N4BP1: variants seen among roughly 807,000 people sequenced by gnomAD.
N4BP1 encodes NEDD4-binding protein 1.
In N4BP1, 21 loss-of-function variants were observed where a neutral mutation model predicts 70.9. That is an observed-to-expected ratio of 0.30 (90% confidence interval 0.21 to 0.43). The LOEUF is 0.43. Among genes scored for constraint, N4BP1 ranks in the 20% least tolerant of loss-of-function variants. The pLI is 1.00. For synonymous variants in N4BP1, 387 were observed against 394.6 expected (o/e 0.98, Z 0.23); for missense variants, 936 against 1,069.4 (o/e 0.88, Z 1.74).
At chr16:48,570,487 C>T (rs1483278515) in intron 1 of N4BP1, among the ~76,000 whole-genome samples, 3 of 152,140 alleles carry the variant, frequency 2.0e-5, no homozygotes, top group African/African-American at 7.2e-5. Context: ...GCTGGGACTA[C>T]AGGCACGTGC....
intron 1 of N4BP1, among the ~76,000 whole-genome samples, chr16:48,604,212 C>A (rs1473848443): frequency 1.3e-5 from 2 of 152,222 alleles, no homozygotes; most frequent in Non-Finnish European, 2.9e-5. Context: ...AGCACTGAGA[C>A]TGTACTGTAC....
intron 3 of N4BP1, among the ~76,000 whole-genome samples, chr16:48,553,002 C>CA (rs1963698255): frequency 6.6e-6 from 1 of 152,142 alleles, no homozygotes; most frequent in African/African-American, 2.4e-5. Context: ...TTGCCTGGCA[C>CA]AGCCCCTTCA....
intron 1 of N4BP1, among the ~76,000 whole-genome samples, chr16:48,566,235 A>G (rs1417716424): frequency 1.3e-5 from 2 of 152,030 alleles, no homozygotes; most frequent in Non-Finnish European, 2.9e-5. Context: ...TATAGAGGCA[A>G]GATCTTGCTA....
chr16:48,566,541 ATT>A (rs1963946355), intron 1 of N4BP1, among the ~76,000 whole-genome samples: 1 of 152,036 alleles, frequency 6.6e-6, no homozygotes, highest in Non-Finnish European at 1.5e-5. Context: ...TCTGTTGGTG[ATT>A]TTTAGTTGGA....
chr16:48,540,883 C>T lies in N4BP1; in HGVS notation c.*2021G>A, dbSNP rs775037861. On this transcript the variant is annotated 3_prime_UTR_variant, in exon 7 of 7. Transcript: ENST00000262384. Reference sequence around the variant, plus strand: ...ATTAAATATTAAATATCAGGGGTTTCGGAAGGAATGATGAATTCCGTCTCA... The same window carrying T: ...ATTAAATATTAAATATCAGGGGTTTTGGAAGGAATGATGAATTCCGTCTCA... 6.6e-6 allele frequency: 1 copy of T among 152,126 alleles called. No homozygotes were observed. The highest frequency in any genetic ancestry group is 2.4e-5 in the African/African-American group (1 of 41,404). 9.4% of individuals were successfully genotyped at this position (152,126 alleles called of 1,614,324 possible).
intron 1 of N4BP1, among the ~76,000 whole-genome samples, chr16:48,597,745 G>A (rs1964437687): frequency 6.6e-6 from 1 of 152,050 alleles, no homozygotes; most frequent in Non-Finnish European, 1.5e-5. Flanking sequence ...TCAGATTTGA[G>A]GTTTCCTCAT....
intron 1 of N4BP1, among the ~76,000 whole-genome samples, chr16:48,608,144 C>T (rs1964612446): frequency 6.6e-6 from 1 of 152,190 alleles, no homozygotes; most frequent in South Asian, 2.1e-4. Context: ...TTCTGACATT[C>T]TCCGAGCGTT....
In N4BP1 at chr16:48,543,018, T is replaced by G; in HGVS notation, c.2577A>C (p.Glu859Asp). 2 of 1,614,060 alleles carry G rather than the reference T, an allele frequency of 1.2e-6. No individual in the cohort carries two copies. The highest frequency in any genetic ancestry group is 2.7e-5 in the African/African-American group (2 of 75,074). The change falls in exon 7 of 7, where the codon GAA becomes GAC. Residue 859 changes from glutamate (E) to aspartate (D), a missense_variant. Glu to Asp is a conservative substitution (Grantham distance 45). Around this residue, in one of 4 missense-constraint regions of N4BP1, gnomAD observed 229 missense variants for 343.5 expected, o/e 0.67. Coordinates refer to ENST00000262384, the MANE Select transcript of N4BP1 (RefSeq NM_153029.4). The part of the protein sequence containing the change: ...RSSAETNELR[E>D]ALLKIFPDSE... Reference sequence around the variant, plus strand: ...AGTCAGGGAAGATCTTCAGAAGGGCTTCCCTCAGCTCGTTGGTTTCTGCAG... The same window carrying G: ...AGTCAGGGAAGATCTTCAGAAGGGCGTCCCTCAGCTCGTTGGTTTCTGCAG...
chr16:48,589,411 G>T (rs546093723), intron 1 of N4BP1, among the ~76,000 whole-genome samples: 42 of 152,202 alleles, frequency 2.8e-4, no homozygotes, highest in African/African-American at 9.9e-4. Flanking sequence ...TATGTAATGA[G>T]GCTTCCATAA....
At chr16:48,579,313 G>A (rs560629635) in intron 1 of N4BP1, among the ~76,000 whole-genome samples, 2 of 152,186 alleles carry the variant, frequency 1.3e-5, no homozygotes, top group South Asian at 4.2e-4. Context: ...AAGGGGGGAA[G>A]GGAGTTTCAT....
intron 2 of N4BP1, among the ~76,000 whole-genome samples, chr16:48,560,384 A>C (rs1041354720): frequency 5.3e-5 from 8 of 152,298 alleles, no homozygotes; most frequent in African/African-American, 1.9e-4. Context: ...GATAAAAAAA[A>C]ATCCTTTTGC....
At chr16:48,582,890 G>A (rs1234377067) in intron 1 of N4BP1, among the ~76,000 whole-genome samples, 1 of 152,078 alleles carries the variant, frequency 6.6e-6, no homozygotes, top group Non-Finnish European at 1.5e-5. Context: ...TTGAGAACAG[G>A]CTGAGCAACA....
At chr16:48,543,559 C>T (rs550467888) in intron 6 of N4BP1, among the ~76,000 whole-genome samples, 1 of 152,260 alleles carries the variant, frequency 6.6e-6, no homozygotes, top group South Asian at 2.1e-4. Flanking sequence ...TTGGCTCTAA[C>T]CAGGGTACCC....
chr16:48,594,273 G>GC (rs1567444199), intron 1 of N4BP1, among the ~76,000 whole-genome samples: 1 of 152,090 alleles, frequency 6.6e-6, no homozygotes, highest in African/African-American at 2.4e-5. Context: ...CACAGTAAAG[G>GC]TTTTTCCTGT....
At chr16:48,593,747 C>T (rs1352684084) in intron 1 of N4BP1, among the ~76,000 whole-genome samples, 1 of 152,122 alleles carries the variant, frequency 6.6e-6, no homozygotes, top group Non-Finnish European at 1.5e-5. Context: ...TGGTGGCTCA[C>T]ACCTGTAATT....
At chr16:48,559,328 A>G (rs997674332) in intron 2 of N4BP1, among the ~76,000 whole-genome samples, 22 of 152,236 alleles carry the variant, frequency 1.4e-4, no homozygotes, top group African/African-American at 4.1e-4. Context: ...CTCCTAAAAA[A>G]GAAGTTACAC....
intron 4 of N4BP1, 36 bp from the exon 5 acceptor site, chr16:48,548,150 G>T: frequency 8.5e-7 from 1 of 1,182,034 alleles, no homozygotes. Flanking sequence ...ATCAGCAACA[G>T]GCATCCTTGG....
chr16:48,567,102 T>C (rs1277254204), intron 1 of N4BP1, among the ~76,000 whole-genome samples: 1 of 152,200 alleles, frequency 6.6e-6, no homozygotes, highest in Non-Finnish European at 1.5e-5. Context: ...ATATTTGAAT[T>C]CAGTTTCTTG....
At chr16:48,572,587 A>C (rs2151092867) in intron 1 of N4BP1, among the ~76,000 whole-genome samples, 1 of 152,330 alleles carries the variant, frequency 6.6e-6, no homozygotes, top group South Asian at 2.1e-4. Context: ...CAGGTATCTG[A>C]CAATGAAATT....
Sources: allele counts gnomAD v4.1 joint callset (sites outside exome capture counted in the v4.1 genomes callset), GRCh38; gene constraint gnomAD v4.1.1; regional missense constraint gnomAD v4.1.1; transcripts MANE v1.5; gene names NCBI Gene and HGNC (gene_info 2026-07-23, HGNC 2026-07-21).